Variants in GNA12 observed in about 807,000 individuals in gnomAD.
GNA12 encodes guanine nucleotide-binding protein subunit alpha-12.
Under a neutral mutation model 26.0 loss-of-function variants are expected in GNA12, and 9 were observed. The observed-to-expected ratio is 0.35, with a 90% CI of 0.21 to 0.60. The LOEUF (loss-of-function observed/expected upper bound fraction) is 0.60. Ranked by LOEUF, GNA12 falls within the 20% of genes least tolerant of loss-of-function variation. The pLI is 0.78. For missense variants in GNA12, 405 were observed against 525.8 expected (o/e 0.77, Z 2.25); for synonymous variants, 264 against 219.6 (o/e 1.20, Z -1.79).
chr7:2,806,897 A>G (rs1356196948), intron 1 of GNA12, among the ~76,000 whole-genome samples: 1 of 152,182 alleles, frequency 6.6e-6, no homozygotes, highest in Non-Finnish European at 1.5e-5. Flanking sequence ...TCTTGTGACA[A>G]ATTCCTAGAT....
intron 2 of GNA12, among the ~76,000 whole-genome samples, chr7:2,783,054 C>T (rs1792269410): frequency 6.6e-6 from 1 of 152,146 alleles, no homozygotes; most frequent in Admixed American, 6.5e-5. Flanking sequence ...TGTTTAAAGA[C>T]CGGTGTCGGA....
At chr7:2,781,475 G>A (rs1297830434) in intron 2 of GNA12, among the ~76,000 whole-genome samples, 1 of 146,284 alleles carries the variant, frequency 6.8e-6, no homozygotes, top group Non-Finnish European at 1.5e-5. Context: ...TGTTCTTTAT[G>A]TGGTTTGACT....
chr7:2,747,025 C>T (rs1197951669), intron 2 of GNA12, among the ~76,000 whole-genome samples: 1 of 152,120 alleles, frequency 6.6e-6, no homozygotes, highest in Non-Finnish European at 1.5e-5. Context: ...AGGCAATAAT[C>T]AATAGCTTAC....
intron 3 of GNA12, among the ~76,000 whole-genome samples, 185 bp downstream of exon 3, chr7:2,733,266 T>G (rs970746533): frequency 2.0e-5 from 3 of 152,158 alleles, no homozygotes; most frequent in Non-Finnish European, 1.5e-5. Flanking sequence ...TTTCCTCCCC[T>G]CCCCACTGAG....
chr7:2,844,006 G>T lies in GNA12; in HGVS notation c.156C>A (p.Arg52=). The stretch of plus-strand genomic sequence containing the variant: ...GGATCTTCACCAGGCGCCGGACCGC[G>T]CGCCGCTCGCGGGCCAGCAGCGCGT... The part of the protein sequence containing the change: ...DIDALLARER[R]AVRRLVKILL... Residue 52 remains arginine, a synonymous_variant, in exon 1 of 4, where the codon CGC becomes CGA. Transcript: ENST00000275364. The T allele has an allele frequency of 6.5e-7, 1 of 1,530,430 alleles. No individual in the cohort carries two copies. 94.8% of individuals were successfully genotyped at this position (1,530,430 alleles called of 1,614,324 possible). A position where few individuals can be genotyped will look rare whatever the true frequency, so the allele number is the denominator to read the frequency against.
At chr7:2,751,776 T>G (rs1027464419) in intron 2 of GNA12, among the ~76,000 whole-genome samples, 1 of 152,140 alleles carries the variant, frequency 6.6e-6, no homozygotes, top group Non-Finnish European at 1.5e-5. Flanking sequence ...AATGGACAAA[T>G]TGCTTTAAAA....
At chr7:2,814,747 A>C (rs1447302821) in intron 1 of GNA12, 3 of 820,682 alleles carry the variant, frequency 3.7e-6, no homozygotes, top group African/African-American at 3.4e-5. Flanking sequence ...CTTCCACAGA[A>C]GTTTATCAGC....
intron 2 of GNA12, among the ~76,000 whole-genome samples, chr7:2,773,351 T>A (rs1430015377): frequency 6.6e-6 from 1 of 152,204 alleles, no homozygotes. Flanking sequence ...TCACCTGAGG[T>A]TGGGAGTTTG....
chr7:2,790,141 C>T (rs1483741181), intron 2 of GNA12, among the ~76,000 whole-genome samples: 2 of 152,344 alleles, frequency 1.3e-5, no homozygotes, highest in East Asian at 3.9e-4. Flanking sequence ...TCTCCTGGGT[C>T]ATTCTACCTG....
chr7:2,830,946 A>T (rs1793591519), intron 1 of GNA12, among the ~76,000 whole-genome samples: 1 of 140,726 alleles, frequency 7.1e-6, no homozygotes, highest in African/African-American at 2.5e-5. Context: ...GTCTCAAAAA[A>T]ATTAATGAAA....
In GNA12 at chr7:2,774,121, T is replaced by C. The variant is rs760184366; in HGVS notation, c.525+20807A>G. On this transcript the variant is annotated intron_variant, in intron 2 of 3. Coordinates refer to ENST00000275364, the MANE Select transcript of GNA12 (RefSeq NM_007353.3). Reference sequence around the variant, plus strand: ...GTTACTTCTGGAGAGCAGAAGGTGGTGTGAAGATGAAAGGGGTTCTGGGGC... The same window carrying C: ...GTTACTTCTGGAGAGCAGAAGGTGGCGTGAAGATGAAAGGGGTTCTGGGGC... Among the ~76,000 whole-genome samples, 3 of 152,134 alleles carry C rather than the reference T, an allele frequency of 2.0e-5. No homozygotes were observed. The South Asian group carries it at 6.2e-4, about 32-fold the overall frequency.
At chr7:2,834,414 C>T (rs937466963) in intron 1 of GNA12, among the ~76,000 whole-genome samples, 9 of 152,178 alleles carry the variant, frequency 5.9e-5, no homozygotes, top group African/African-American at 1.9e-4. Context: ...TATCCATTCA[C>T]GCTGTATGTT....
rs754917183 is a variant in GNA12 at position 2,795,008 on chromosome 7, G to A, written c.445C>T (p.Leu149=). 2.5e-6 allele frequency: 4 copies of A among 1,614,208 alleles called. No individual in the cohort carries two copies. The East Asian group carries it at 6.7e-5, about 27-fold the overall frequency. ...GLPVEPATFQ[L]YVPALSALWR... is the part of the protein sequence containing the mutation. Reference sequence around the variant, plus strand: ...AGTGCGCTCAGGGCCGGGACGTACAGCTGGAAGGTGGCCGGCTCCACAGGC... The same window carrying A: ...AGTGCGCTCAGGGCCGGGACGTACAACTGGAAGGTGGCCGGCTCCACAGGC... The change falls in exon 2 of 4, where the codon CTG becomes TTG. Residue 149 remains leucine, a synonymous_variant. Coordinates refer to ENST00000275364, the MANE Select transcript of GNA12 (RefSeq NM_007353.3).
intron 1 of GNA12, among the ~76,000 whole-genome samples, chr7:2,834,841 G>T (rs912598677): frequency 6.6e-6 from 1 of 152,172 alleles, no homozygotes. Flanking sequence ...TAGGTATACG[G>T]TCAGCTATAT....
intron 3 of GNA12, among the ~76,000 whole-genome samples, chr7:2,732,029 T>C (rs949720393): frequency 6.6e-6 from 1 of 152,192 alleles, no homozygotes. Context: ...TCCATTTTCT[T>C]CTCCAGAGGA....
chr7:2,748,357 A>T (rs540415545), intron 2 of GNA12, among the ~76,000 whole-genome samples: 44 of 152,360 alleles, frequency 2.9e-4, no homozygotes, highest in Middle Eastern at 6.8e-3. Flanking sequence ...ATAATGCTGC[A>T]TATCTACAAC....
chr7:2,759,351 C>T (rs1469369955), intron 2 of GNA12, among the ~76,000 whole-genome samples: 1 of 152,172 alleles, frequency 6.6e-6, no homozygotes, highest in Admixed American at 6.5e-5. Context: ...TTCCTATGTG[C>T]CTGCACTGTT....
At chr7:2,812,877 TAAGGATA>T (rs950245509) in intron 1 of GNA12, among the ~76,000 whole-genome samples, 1 of 152,198 alleles carries the variant, frequency 6.6e-6, no homozygotes, top group African/African-American at 2.4e-5. Flanking sequence ...TTGTTAGGTT[TAAGGATA>T]AAGGATAAAC....
intron 1 of GNA12, among the ~76,000 whole-genome samples, chr7:2,796,039 A>G (rs973235187): frequency 6.6e-6 from 1 of 151,876 alleles, no homozygotes; most frequent in Admixed American, 6.6e-5. Context: ...TAATTTTTGT[A>G]TTTTTAGTAG....
Sources: allele counts gnomAD v4.1 joint callset (sites outside exome capture counted in the v4.1 genomes callset), GRCh38; gene constraint gnomAD v4.1.1; transcripts MANE v1.5; gene names NCBI Gene and HGNC (gene_info 2026-07-23, HGNC 2026-07-21).